EVC: variants seen among roughly 807,000 people sequenced by gnomAD.
The protein encoded by EVC is EvC ciliary complex subunit 1.
In EVC, 116 loss-of-function variants were observed where a neutral mutation model predicts 118.9. The ratio of observed to expected loss-of-function variants is 0.98; its 90% confidence interval spans 0.84 to 1.14. EVC has a LOEUF of 1.14. EVC is among the 50% of genes most tolerant of loss of function. The pLI is 0.00. For missense variants in EVC, 1,401 were observed against 1,246.4 expected (o/e 1.12, Z -1.87); for synonymous variants, 619 against 534.7 (o/e 1.16, Z -2.18).
At chr4:5,828,786 T>G in the EVC span, 1 of 1,225,476 alleles carries the variant, frequency 8.2e-7, no homozygotes, top group Non-Finnish European at 1.1e-6. Context: ...TTTTTTTCTC[T>G]CTAAAAATAC....
At position 5,719,646 on chromosome 4, in the gene EVC, C is replaced by T. The variant is rs957329284; in HGVS notation, c.300+273C>T. Among the ~76,000 whole-genome samples, 11 of 152,282 alleles carry T rather than the reference C, an allele frequency of 7.2e-5. No individual in the cohort carries two copies. The highest frequency in any genetic ancestry group is 3.4e-3 in the Middle Eastern group (1 of 294). On this transcript the variant is annotated intron_variant, in intron 2 of 20. Transcript: ENST00000264956. The surrounding 1 kb of genome is among the most constrained non-coding windows in gnomAD (Gnocchi z 4.7). ...TCTAGTGCCCCTTTCTGGTCACTTC[C>T]CGCCCCCACACACTTCCAGAGGTGC...
At chr4:5,808,579 C>T (rs753889064) in intron 18 of EVC, among the ~76,000 whole-genome samples, 21 of 152,222 alleles carry the variant, frequency 1.4e-4, no homozygotes, top group Non-Finnish European at 2.6e-4. Flanking sequence ...AGGCCCTGAG[C>T]AGCTGGTCAG....
intron 2 of EVC, among the ~76,000 whole-genome samples, chr4:5,724,458 C>G (rs749202083): frequency 6.6e-6 from 1 of 152,232 alleles, no homozygotes; most frequent in Non-Finnish European, 1.5e-5. Flanking sequence ...ATGGCACTTA[C>G]TCTTGCTGTT....
chr4:5,770,371 C>T (rs1252448868), intron 11 of EVC, among the ~76,000 whole-genome samples: 1 of 152,188 alleles, frequency 6.6e-6, no homozygotes, highest in Non-Finnish European at 1.5e-5. Context: ...TCAGCAAAGA[C>T]ACTCCAGTCA....
At chr4:5,820,258 ACAC>A in the EVC span, among the ~76,000 whole-genome samples, 3 of 152,198 alleles carry the variant, frequency 2.0e-5, no homozygotes, top group South Asian at 4.2e-4. Flanking sequence ...ACTATCACCA[ACAC>A]CACCATCATC....
At chr4:5,805,659 C>T (rs557992341) in intron 17 of EVC, among the ~76,000 whole-genome samples, 130 of 152,270 alleles carry the variant, frequency 8.5e-4, no homozygotes, top group African/African-American at 2.9e-3. Context: ...CGCACCTCTC[C>T]GCACCAAGGG....
chr4:5,736,862 G>A (rs141509394), intron 5 of EVC, among the ~76,000 whole-genome samples: 1 of 152,272 alleles, frequency 6.6e-6, no homozygotes, highest in Non-Finnish European at 1.5e-5. Context: ...AAGCCAGTTA[G>A]TAACGCTGCA....
chr4:5,745,162 T>C (rs1553873043), intron 6 of EVC, 42 bp from the exon 7 acceptor site: 4 of 1,598,006 alleles, frequency 2.5e-6, no homozygotes, highest in South Asian at 1.1e-5. Context: ...CGCTAAACTT[T>C]TTCTTTGTTT....
At chr4:5,805,891 C>CTT (rs4045512) in intron 17 of EVC, among the ~76,000 whole-genome samples, 13,405 of 123,894 alleles carry the variant, frequency 0.11, 916 homozygotes, top group South Asian at 0.15. Context: ...AGTTTCTTTT[C>CTT]TTTTTTTTTT....
intron 11 of EVC, among the ~76,000 whole-genome samples, chr4:5,781,659 A>T (rs57829920): frequency 0.49 from 74,739 of 151,820 alleles, 19,117 homozygotes; most frequent in African/African-American, 0.62. Flanking sequence ...CAACACAGCA[A>T]AACCTCATCT....
chr4:5,783,545 G>C lies in EVC; in HGVS notation c.1564-7G>C. The stretch of plus-strand genomic sequence containing the variant: ...CCTGTAACCCCATCTGTGGTTCTCC[G>C]CTCCAGGAGCTGTACTTCAGCACCG... On this transcript the variant is annotated splice_region_variant and splice_polypyrimidine_tract_variant and intron_variant, in intron 11 of 20. Coordinates refer to ENST00000264956, the MANE Select transcript of EVC (RefSeq NM_153717.3). The C allele has an allele frequency of 6.2e-7, 1 of 1,614,034 alleles. No homozygotes were observed. The highest frequency in any genetic ancestry group is 1.7e-4 in the Middle Eastern group (1 of 6,058).
At chr4:5,718,561 G>A (rs1724372606) in intron 1 of EVC, among the ~76,000 whole-genome samples, 1 of 151,946 alleles carries the variant, frequency 6.6e-6, no homozygotes, top group Admixed American at 6.6e-5. Flanking sequence ...TTTGTTTACA[G>A]CATGAGAGCA....
chr4:5,777,795 G>T (rs1734927597), intron 11 of EVC, among the ~76,000 whole-genome samples: 1 of 151,864 alleles, frequency 6.6e-6, no homozygotes, highest in South Asian at 2.1e-4. Flanking sequence ...TAAGAGTGTG[G>T]CATTCATTAG....
At chr4:5,796,220 T>C (rs1194360350) in intron 13 of EVC, among the ~76,000 whole-genome samples, 5 of 152,228 alleles carry the variant, frequency 3.3e-5, no homozygotes, top group Non-Finnish European at 7.3e-5. Context: ...TGGAACATAT[T>C]AATCATAATT....
In EVC at chr4:5,745,325, A is replaced by G. The variant is rs1032117694; in HGVS notation, c.923A>G (p.Glu308Gly). Residue 308 changes from glutamate (E) to glycine (G), a missense_variant, in exon 7 of 21, where the codon GAA becomes GGA. Coordinates refer to ENST00000264956, the MANE Select transcript of EVC (RefSeq NM_153717.3). ...DVEKKEREYS[E>G]QLIDNMEAFW... ...GAAAAGAAGGAGAGAGAATACTCTG[A>G]ACAGCTAATCGATAATGTGCGTGCC... is the stretch of plus-strand genomic sequence containing the variant. The G allele has an allele frequency of 1.4e-5, 23 of 1,613,978 alleles. No homozygotes were observed. The highest frequency in any genetic ancestry group is 1.9e-5 in the Non-Finnish European group (22 of 1,179,982).
chr4:5,788,555 C>T (rs574993358), intron 12 of EVC, among the ~76,000 whole-genome samples: 1 of 152,298 alleles, frequency 6.6e-6, no homozygotes, highest in African/African-American at 2.4e-5. Context: ...CCTGCCTTAC[C>T]CACAGCCTTC....
At chr4:5,722,188 C>T (rs78136529) in intron 2 of EVC, among the ~76,000 whole-genome samples, 2,830 of 152,246 alleles carry the variant, frequency 0.019, 167 homozygotes, top group East Asian at 0.13. Context: ...ATTCCCGAGT[C>T]ACCCAGGGCT....
rs1730851077 is a variant in EVC, at chr4:5,754,300, A to G, written c.1464+367A>G. ...ATGTCCCGGAGAGTAAGGCAGGCTC[A>G]CACACCCAGGGACAGGGCCCTTGTG... On this transcript the variant is annotated intron_variant, in intron 10 of 20. Coordinates refer to ENST00000264956, the MANE Select transcript of EVC (RefSeq NM_153717.3). The surrounding 1 kb of genome is among the most constrained non-coding windows in gnomAD (Gnocchi z 5.8). Among the ~76,000 whole-genome samples the G allele has an allele frequency of 6.6e-6, 1 of 152,156 alleles. No homozygotes were observed.
chr4:5,815,639 T>C (rs868363005), downstream of EVC, among the ~76,000 whole-genome samples: 8 of 152,170 alleles, frequency 5.3e-5, no homozygotes, highest in Non-Finnish European at 1.0e-4. Flanking sequence ...GGGAAGTCCC[T>C]TGTGCTGTCC....
Sources: gnomAD v4.1 joint callset for allele counts (sites outside exome capture counted in the v4.1 genomes callset) on GRCh38, gnomAD v4.1.1 for gene constraint, Gnocchi (gnomAD v3.1) non-coding constraint, MANE v1.5 for transcripts, NCBI Gene and HGNC (gene_info 2026-07-23, HGNC 2026-07-21) for gene names.